SYNPO2L: variants seen among roughly 807,000 people sequenced by gnomAD.
SYNPO2L encodes synaptopodin 2 like.
A neutral mutation model predicts 47.5 loss-of-function variants in SYNPO2L; 34 were observed. The ratio of observed to expected loss-of-function variants is 0.72; its 90% confidence interval spans 0.54 to 0.95. The LOEUF (loss-of-function observed/expected upper bound fraction) is 0.95. Ranked by LOEUF, SYNPO2L falls within the 40% of genes least tolerant of loss-of-function variation. The pLI, the probability that SYNPO2L is intolerant of heterozygous loss-of-function variation, is 0.00. For synonymous variants in SYNPO2L, 536 were observed against 524.9 expected (o/e 1.02, Z -0.29); for missense variants, 1,246 against 1,282.0 (o/e 0.97, Z 0.43).
chr10:73,647,049 G>A lies in SYNPO2L; in HGVS notation c.2603C>T (p.Pro868Leu), dbSNP rs1255688727. 6.2e-7 allele frequency: 1 copy of A among 1,613,904 alleles called. No homozygotes were observed. Residue 868 changes from proline (P) to leucine (L), a missense_variant, in exon 4 of 4, where the codon CCC becomes CTC. Transcript: ENST00000394810. ...TGAGGCGATAGGGCCAGGAGTCGGGGGAACCTCATCAAAACAGAACATGGC... is the reference window on the plus strand; with the variant it reads ...TGAGGCGATAGGGCCAGGAGTCGGGAGAACCTCATCAAAACAGAACATGGC... ...KTAMFCFDEV[P>L]PTPGPIASGS...
chr10:73,655,164 C>G (rs930622750), intron 1 of SYNPO2L, among the ~76,000 whole-genome samples: 2 of 152,148 alleles, frequency 1.3e-5, no homozygotes, highest in African/African-American at 2.4e-5. Flanking sequence ...TGCATTTAAT[C>G]CTTAGAATGG....
chr10:73,650,705 C>G (rs1424543936), intron 3 of SYNPO2L: 8 of 985,296 alleles, frequency 8.1e-6, no homozygotes, highest in Non-Finnish European at 9.6e-6. Flanking sequence ...TTTTCTACAG[C>G]TCTTGTGGTC....
Position 73,653,435 on chromosome 10 carries a change from C to T in SYNPO2L, c.476G>A (p.Arg159His), listed in dbSNP as rs767829787. 4 of 1,551,304 alleles carry T rather than the reference C, an allele frequency of 2.6e-6. No individual in the cohort carries two copies. Among genetic ancestry groups the T allele is most frequent in the South Asian group, 1.2e-5 (1 of 84,044 alleles). Residue 159 changes from arginine (R) to histidine (H), a missense_variant, in exon 3 of 4, where the codon CGC (arginine) becomes CAC (histidine). Arg to His is a conservative substitution (Grantham distance 29). This residue lies in a region of SYNPO2L where 148 missense variants were observed against 204.8 expected (regional missense o/e 0.72). Coordinates refer to ENST00000394810, the MANE Select transcript of SYNPO2L (RefSeq NM_001114133.3). ...AGGGGTGGGCCTTGTGGGGCCTCGG[C>T]GGCGAGGTCGACGGGGCTTCTCCTG... is the stretch of plus-strand genomic sequence containing the variant. The part of the protein sequence containing the change: ...ATQEKPRRPR[R>H]RGPTRPTPPG...
At position 73,646,352 on chromosome 10, in the gene SYNPO2L, C is replaced by T. The variant is rs1017835932; in HGVS notation, c.*366G>A. ...TTCTTGCCTGAAGTCCCAGTGGTCACTTCTGCTCTGTTTACTTCTCACTGA... is the reference window on the plus strand; with the variant it reads ...TTCTTGCCTGAAGTCCCAGTGGTCATTTCTGCTCTGTTTACTTCTCACTGA... On this transcript the variant is annotated 3_prime_UTR_variant, in exon 4 of 4. Coordinates refer to ENST00000394810, the MANE Select transcript of SYNPO2L (RefSeq NM_001114133.3). 4.2e-5 allele frequency: 42 copies of T among 1,008,422 alleles called. No homozygotes were observed. The highest frequency in any genetic ancestry group is 4.7e-5 in the Non-Finnish European group (40 of 846,182). 62.5% of individuals were successfully genotyped at this position (1,008,422 alleles called of 1,614,324 possible).
At position 73,653,713 on chromosome 10, in the gene SYNPO2L, C is replaced by G. The variant is rs945126916; in HGVS notation, c.258-60G>C. The G allele has an allele frequency of 4.1e-6, 6 of 1,470,900 alleles. No homozygotes were observed. The African/African-American group carries it at 5.7e-5, about 14-fold the overall frequency. The allele number at this position is 1,470,900 out of a possible 1,614,324, so 91.1% of individuals were successfully genotyped here. A position where few individuals can be genotyped will look rare whatever the true frequency, so the allele number is the denominator to read the frequency against. ...GCTGGGTACTGACAGCTAGAGAGAT[C>G]TGGAAGGGATGGAGGGAAGAGGTAA... On this transcript the variant is annotated intron_variant, in intron 2 of 3. Transcript: ENST00000394810.
intron 3 of SYNPO2L, chr10:73,651,042 G>A (rs571159539): frequency 1.9e-6 from 3 of 1,599,056 alleles, no homozygotes; most frequent in East Asian, 2.3e-5. Context: ...AGCAGGACCA[G>A]CTTGAGCCAC....
rs771347274 is a variant in SYNPO2L, at chr10:73,647,009, A to G, written c.2643T>C (p.Thr881=). ...PGPIASGSPK[T]ARVQEIRRFS... ...ACCGGCGAATCTCCTGGACTCGGGC[A>G]GTTTTGGGGGACCCTGAGGCGATAG... is the stretch of plus-strand genomic sequence containing the variant. The change falls in exon 4 of 4, where the codon ACT becomes ACC. Residue 881 remains threonine, a synonymous_variant. Transcript: ENST00000394810. The G allele has an allele frequency of 6.2e-7, 1 of 1,613,406 alleles. No homozygotes were observed. The highest frequency in any genetic ancestry group is 8.5e-7 in the Non-Finnish European group (1 of 1,179,454).
Position 73,653,189 on chromosome 10 carries a change from G to A in SYNPO2L, c.722C>T (p.Pro241Leu). Residue 241 changes from proline to leucine, a missense_variant, in exon 3 of 4, where the codon CCA (proline) becomes CTA (leucine). Physicochemically the swap from Pro to Leu is moderately conservative, Grantham distance 98. Coordinates refer to ENST00000394810, the MANE Select transcript of SYNPO2L (RefSeq NM_001114133.3). ...LIPMVGPVPH[P>L]VAEDLTTTYT... ...GGTGGTAGTAAGATCTTCTGCCACTGGGTGGGGAACAGGCCCCACCATAGG... is the reference window on the plus strand; with the variant it reads ...GGTGGTAGTAAGATCTTCTGCCACTAGGTGGGGAACAGGCCCCACCATAGG... 6.9e-7 allele frequency: 1 copy of A among 1,458,892 alleles called. No homozygotes were observed. The highest frequency in any genetic ancestry group is 1.5e-5 in the South Asian group (1 of 68,254). The allele number at this position is 1,458,892 out of a possible 1,614,324, so 90.4% of individuals were successfully genotyped here.
Position 73,648,149 on chromosome 10 carries a change from G to T in SYNPO2L, c.1503C>A (p.Gly501=). The part of the protein sequence containing the change: ...APKRANDSLG[G]LSPAPPPFLS... ...AGAAGGGGGGTGGGGCGGGGCTGAGGCCCCCCAGGCTGTCGTTCGCCCTTT... is the reference window on the plus strand; with the variant it reads ...AGAAGGGGGGTGGGGCGGGGCTGAGTCCCCCCAGGCTGTCGTTCGCCCTTT... Residue 501 remains glycine, a synonymous_variant, in exon 4 of 4, where the codon GGC becomes GGA. Coordinates refer to ENST00000394810, the MANE Select transcript of SYNPO2L (RefSeq NM_001114133.3). The T allele has an allele frequency of 6.5e-7, 1 of 1,543,960 alleles. No homozygotes were observed.
Position 73,645,427 on chromosome 10 carries a change from C to A in SYNPO2L, c.*1291G>T. ...TCTGCCATGCTTCTGATTTTGGCCT[C>A]ACTTGCCACACTCTGGCTCTCTTCT... is the stretch of plus-strand genomic sequence containing the variant. On this transcript the variant is annotated 3_prime_UTR_variant, in exon 4 of 4. Transcript: ENST00000394810. 1.0e-6 allele frequency: 1 copy of A among 1,000,344 alleles called. No homozygotes were observed. 62.0% of individuals were successfully genotyped at this position (1,000,344 alleles called of 1,614,324 possible).
At chr10:73,649,100 C>T (rs1013864319) in intron 3 of SYNPO2L, among the ~76,000 whole-genome samples, 2 of 152,146 alleles carry the variant, frequency 1.3e-5, no homozygotes, top group African/African-American at 4.8e-5. Context: ...GCTGCCCTGA[C>T]ACTGCTCTGA....
In SYNPO2L at chr10:73,645,036, G is replaced by T; in HGVS notation, c.*1682C>A. ...GAGTCCATACTAAGATTGGAGATCA[G>T]GACCTGAAGCTGAAAAGAAGCAATA... On this transcript the variant is annotated 3_prime_UTR_variant, in exon 4 of 4. Transcript: ENST00000394810. 1 of 1,266,632 alleles carries T rather than the reference G, an allele frequency of 7.9e-7. No homozygotes were observed. The highest frequency in any genetic ancestry group is 6.9e-5 in the East Asian group (1 of 14,490). 78.5% of individuals were successfully genotyped at this position (1,266,632 alleles called of 1,614,324 possible). A position where few individuals can be genotyped will look rare whatever the true frequency, so the allele number is the denominator to read the frequency against.
rs143970642 is a variant in SYNPO2L, at chr10:73,648,605, T to C, written c.1047A>G (p.Gln349=). Residue 349 remains glutamine, a synonymous_variant, in exon 4 of 4, where the codon CAA becomes CAG. Coordinates refer to ENST00000394810, the MANE Select transcript of SYNPO2L (RefSeq NM_001114133.3). The part of the protein sequence containing the change: ...AFSDARSLTN[Q]SDWDSPYLDM... Reference sequence around the variant, plus strand: ...CCAGATAGGGACTGTCCCAGTCAGATTGATTGGTGAGGCTGCGGGCGTCAG... The same window carrying C: ...CCAGATAGGGACTGTCCCAGTCAGACTGATTGGTGAGGCTGCGGGCGTCAG... 5.6e-4 allele frequency: 902 copies of C among 1,613,948 alleles called. 1 individual carries two copies. The highest frequency in any genetic ancestry group is 6.9e-4 in the Non-Finnish European group (812 of 1,179,952).
In SYNPO2L at chr10:73,653,372, C is replaced by G; in HGVS notation, c.539G>C (p.Ser180Thr). The G allele has an allele frequency of 6.4e-7, 1 of 1,551,566 alleles. No individual in the cohort carries two copies. The highest frequency in any genetic ancestry group is 8.7e-7 in the Non-Finnish European group (1 of 1,146,976). Residue 180 changes from serine to threonine, a missense_variant, in exon 3 of 4, where the codon AGC becomes ACC. Ser to Thr is a moderately conservative substitution (Grantham distance 58). Around this residue, in one of 3 missense-constraint regions of SYNPO2L, gnomAD observed 148 missense variants for 204.8 expected, o/e 0.72. Transcript: ENST00000394810. ...GATAGTAGGTGCTGGCTCTGCAGGG[C>G]TGTCAGACAGGTAGACCTCATCAGG... ...APPDEVYLSD[S>T]PAEPAPTIPG...
At chr10:73,650,690 A>T (rs535592523) in intron 3 of SYNPO2L, 1 of 985,380 alleles carries the variant, frequency 1.0e-6, no homozygotes, top group East Asian at 1.1e-4. Context: ...CTCTGTTCCC[A>T]TGAGTTTTCT....
chr10:73,650,269 G>A (rs904339847), intron 3 of SYNPO2L: 3 of 983,832 alleles, frequency 3.0e-6, no homozygotes, highest in Middle Eastern at 5.2e-4. Flanking sequence ...TGTAATGAGC[G>A]TGGTATCTTG....
rs1234630611 is a variant in SYNPO2L at position 73,655,958 on chromosome 10, A to G, written c.-36T>C. ...GGCCTATGGCCCCCGGAGTTTGAAC[A>G]GTGTCCCCAGGAGAGAAGTTGAGGT... On this transcript the variant is annotated 5_prime_UTR_variant, in exon 1 of 4. Coordinates refer to ENST00000394810, the MANE Select transcript of SYNPO2L (RefSeq NM_001114133.3). 6.6e-7 allele frequency: 1 copy of G among 1,526,206 alleles called. No individual in the cohort carries two copies. The highest frequency in any genetic ancestry group is 2.5e-5 in the East Asian group (1 of 40,572). The allele number at this position is 1,526,206 out of a possible 1,614,324, so 94.5% of individuals were successfully genotyped here.
rs935501286 is a variant in SYNPO2L, at chr10:73,655,944, C to T, written c.-22G>A. On this transcript the variant is annotated 5_prime_UTR_variant, in exon 1 of 4. Transcript: ENST00000394810. The stretch of plus-strand genomic sequence containing the variant: ...CCATCGCTCAGCTTGGCCTATGGCC[C>T]CCGGAGTTTGAACAGTGTCCCCAGG... 1 of 1,542,624 alleles carries T rather than the reference C, an allele frequency of 6.5e-7. No homozygotes were observed. Among genetic ancestry groups the T allele is most frequent in the African/African-American group, 1.4e-5 (1 of 72,454 alleles).
At chr10:73,650,437 G>C (rs1305628462) in intron 3 of SYNPO2L, among the ~76,000 whole-genome samples, 2 of 152,118 alleles carry the variant, frequency 1.3e-5, no homozygotes, top group Non-Finnish European at 2.9e-5. Flanking sequence ...TTAAAGTTCG[G>C]TTTCCTCATC....
Sources: allele counts gnomAD v4.1 joint callset (sites outside exome capture counted in the v4.1 genomes callset), GRCh38; gene constraint gnomAD v4.1.1; regional missense constraint gnomAD v4.1.1; transcripts MANE v1.5; gene names NCBI Gene and HGNC (gene_info 2026-07-23, HGNC 2026-07-21).